Variants in KLHDC8A observed in about 807,000 individuals in gnomAD.
KLHDC8A encodes kelch domain-containing protein 8A.
In KLHDC8A, 21 loss-of-function variants were observed where a neutral mutation model predicts 33.1. That is an observed-to-expected ratio of 0.64 (90% CI 0.45 to 0.91). KLHDC8A has a LOEUF of 0.91. Ranked by LOEUF, KLHDC8A falls within the 40% of genes least tolerant of loss-of-function variation. The probability of loss-of-function intolerance (pLI) is 0.00; values close to 1 mark genes in which losing one functional copy is unlikely to be tolerated. For synonymous variants in KLHDC8A, 173 were observed against 193.5 expected (o/e 0.89, Z 0.88); for missense variants, 435 against 483.3 (o/e 0.90, Z 0.94).
rs1489199075 is a variant in KLHDC8A, at chr1:205,337,192, G to C, written c.*207C>G. 8 of 580,796 alleles carry C rather than the reference G, an allele frequency of 1.4e-5. No homozygotes were observed. Among genetic ancestry groups the C allele is most frequent in the Non-Finnish European group, 2.5e-5 (8 of 325,700 alleles). The allele number at this position is 580,796 out of a possible 1,614,324, so 36.0% of individuals were successfully genotyped here. On this transcript the variant is annotated 3_prime_UTR_variant, in exon 6 of 6. Transcript: ENST00000367155. ...TTCAGAGTCAGCTCTGCAGCTGGTG[G>C]AGTCATCTGTGCCTCTTACAGTTTT...
chr1:205,347,793 T>C (rs552875089), intron 1 of KLHDC8A, among the ~76,000 whole-genome samples: 44 of 152,298 alleles, frequency 2.9e-4, no homozygotes, highest in Non-Finnish European at 4.7e-4. Context: ...GAGGGAAAAG[T>C]CATAAAAGCC....
chr1:205,337,384 T>C lies in KLHDC8A; in HGVS notation c.*15A>G. ...GTGATATGGTCCAGGGCAAAGGTAC[T>C]GAGCCCAGAGACAGCTAGGAGTCAG... On this transcript the variant is annotated 3_prime_UTR_variant, in exon 6 of 6. Coordinates refer to ENST00000367155, the MANE Select transcript of KLHDC8A (RefSeq NM_018203.3). 6.2e-7 allele frequency: 1 copy of C among 1,605,950 alleles called. No homozygotes were observed.
At chr1:205,350,811 A>ATGCG (rs1553384970) in intron 1 of KLHDC8A, among the ~76,000 whole-genome samples, 143 of 150,974 alleles carry the variant, frequency 9.5e-4, no homozygotes, top group South Asian at 1.9e-3. Context: ...CTGTGTGTGC[A>ATGCG]TGTGTGTGTG....
intron 1 of KLHDC8A, among the ~76,000 whole-genome samples, chr1:205,347,013 C>A (rs866782169): frequency 6.6e-6 from 1 of 152,186 alleles, no homozygotes; most frequent in South Asian, 2.1e-4. Context: ...GGGACTCAGA[C>A]CCTTGGAAAA....
At chr1:205,340,466 AG>A (rs892918350) in intron 2 of KLHDC8A, among the ~76,000 whole-genome samples, 5 of 151,996 alleles carry the variant, frequency 3.3e-5, no homozygotes, top group African/African-American at 1.2e-4. Context: ...GGGCAGCCAG[AG>A]GGGAAGCCAA....
At chr1:205,356,418 A>G (rs931209347) in intron 1 of KLHDC8A, 115 bp downstream of exon 1, 4 of 419,328 alleles carry the variant, frequency 9.5e-6, no homozygotes, top group Non-Finnish European at 2.0e-5. Context: ...CCCCCATGCC[A>G]GCCTGTCTAC....
chr1:205,347,264 G>A (rs931328472), intron 1 of KLHDC8A, among the ~76,000 whole-genome samples: 5 of 152,178 alleles, frequency 3.3e-5, no homozygotes, highest in East Asian at 3.9e-4. Flanking sequence ...AGTGCTAATC[G>A]GAGGGAGAGT....
intron 1 of KLHDC8A, among the ~76,000 whole-genome samples, chr1:205,356,194 G>A (rs1411220834): frequency 6.6e-6 from 1 of 151,756 alleles, no homozygotes; most frequent in East Asian, 1.9e-4. Flanking sequence ...GCAATATTTG[G>A]TTTTCTGTTT....
rs116666758 is a variant in KLHDC8A at position 205,352,536 on chromosome 1, G to T, written c.-190+3997C>A. Among the ~76,000 whole-genome samples the T allele has an allele frequency of 2.6e-3, 392 of 152,330 alleles. 1 individual carries two copies. The highest frequency in any genetic ancestry group is 9.1e-3 in the African/African-American group (377 of 41,568). On this transcript the variant is annotated intron_variant, in intron 1 of 5. Coordinates refer to ENST00000367155, the MANE Select transcript of KLHDC8A (RefSeq NM_018203.3). ...AGACGGCAATCTGCTGCAGCAGCAA[G>T]GTTGCCATCTGGCGTGCTGACCTGT...
Position 205,343,575 on chromosome 1 carries a change from C to T in KLHDC8A, c.30G>A (p.Gln10=). The change falls in exon 2 of 6, where the codon CAG becomes CAA. Residue 10 remains glutamine, a synonymous_variant. Coordinates refer to ENST00000367155, the MANE Select transcript of KLHDC8A (RefSeq NM_018203.3). ...TGGGCAGTGGCGCCAGGCGCTTCCA[C>T]TGGAAGTCCTTGACGTTAGGCACCT... MEVPNVKDF[Q]WKRLAPLPSR... is the part of the protein sequence containing the mutation. The T allele has an allele frequency of 6.2e-7, 1 of 1,609,214 alleles. No individual in the cohort carries two copies. The highest frequency in any genetic ancestry group is 8.5e-7 in the Non-Finnish European group (1 of 1,177,296).
rs985769199 is a variant in KLHDC8A at position 205,343,631 on chromosome 1, C to T, written c.-27G>A. 6.5e-7 allele frequency: 1 copy of T among 1,541,578 alleles called. No homozygotes were observed. Among genetic ancestry groups the T allele is most frequent in the African/African-American group, 1.4e-5 (1 of 72,812 alleles). On this transcript the variant is annotated 5_prime_UTR_variant, in exon 2 of 6. Transcript: ENST00000367155. ...GCAGCCTTGGGGAGCGCCCGGGCGC[C>T]GGGAGAGGTGCGAGCGCGGGGGTCC...
At position 205,343,507 on chromosome 1, in the gene KLHDC8A, ACCTGGCC is replaced by A; in HGVS notation, c.91_97del (p.Gly31SerfsTer51). 6.2e-7 allele frequency: 1 copy of A among 1,613,288 alleles called. No individual in the cohort carries two copies. Among genetic ancestry groups the A allele is most frequent in the South Asian group, 1.1e-5 (1 of 91,082 alleles). ...GTCGTCACATCCCCCGATGGCATAGACCTGGCCCCCGGTCTCCAGCAGGGAGCAGTAG... is the reference window on the plus strand; with the variant it reads ...GTCGTCACATCCCCCGATGGCATAGACCCGGTCTCCAGCAGGGAGCAGTAG... On this transcript the variant is annotated frameshift_variant, in exon 2 of 6. Transcript: ENST00000367155. LOFTEE classifies it high-confidence loss of function.
At position 205,343,485 on chromosome 1, in the gene KLHDC8A, G is replaced by C; in HGVS notation, c.120C>G (p.Asp40Glu). The stretch of plus-strand genomic sequence containing the variant: ...AGCAGTCCATGGGGACGCCGTTGTC[G>C]TCACATCCCCCGATGGCATAGACCT... Reference protein sequence around the residue: ...GGQVYAIGGCDDNGVPMDCFE... With the variant: ...GGQVYAIGGCEDNGVPMDCFE... The change falls in exon 2 of 6, where the codon GAC (aspartate) becomes GAG (glutamate). Residue 40 changes from aspartate to glutamate, a missense_variant. Coordinates refer to ENST00000367155, the MANE Select transcript of KLHDC8A (RefSeq NM_018203.3). The C allele has an allele frequency of 1.2e-6, 2 of 1,613,514 alleles. No individual in the cohort carries two copies. The highest frequency in any genetic ancestry group is 1.7e-6 in the Non-Finnish European group (2 of 1,179,874).
chr1:205,344,468 G>A (rs1662891935), intron 1 of KLHDC8A: 1 of 152,448 alleles, frequency 6.6e-6, no homozygotes, highest in East Asian at 1.9e-4. Context: ...TCTACAGGGG[G>A]TCAAGGAAAG....
Position 205,339,566 on chromosome 1 carries a change from C to T in KLHDC8A, c.541+78G>A. On this transcript the variant is annotated intron_variant, in intron 3 of 5. Transcript: ENST00000367155. The surrounding 1 kb of genome is among the most constrained non-coding windows in gnomAD (Gnocchi z 5.1). ...TCCCCAGTGCCGAGGAGATGCTCAG[C>T]ACACAGGCACTGCTTCCTATGGGAA... is the stretch of plus-strand genomic sequence containing the variant. 1 of 1,532,064 alleles carries T rather than the reference C, an allele frequency of 6.5e-7. No homozygotes were observed. The allele number at this position is 1,532,064 out of a possible 1,614,324, so 94.9% of individuals were successfully genotyped here.
intron 1 of KLHDC8A, among the ~76,000 whole-genome samples, chr1:205,350,792 C>T (rs112804616): frequency 4.0e-4 from 61 of 152,038 alleles, no homozygotes; most frequent in African/African-American, 1.3e-3. Flanking sequence ...ATCATGATGG[C>T]GTGCGTGCCT....
At chr1:205,337,672 C>T in intron 5 of KLHDC8A, 80 bp from the exon 6 acceptor site, 1 of 991,794 alleles carries the variant, frequency 1.0e-6, no homozygotes, top group Non-Finnish European at 1.5e-6. Context: ...ACCTCCCTCC[C>T]TTCGGCACCC....
At chr1:205,353,070 G>A (rs1663163052) in intron 1 of KLHDC8A, among the ~76,000 whole-genome samples, 4 of 152,196 alleles carry the variant, frequency 2.6e-5, no homozygotes, top group Admixed American at 2.0e-4. Flanking sequence ...TTTGGTCCCA[G>A]TCTTGGGAAT....
At chr1:205,345,005 G>T (rs540251193) in intron 1 of KLHDC8A, among the ~76,000 whole-genome samples, 10 of 152,274 alleles carry the variant, frequency 6.6e-5, no homozygotes, top group African/African-American at 2.4e-4. Flanking sequence ...AACTCGCAGG[G>T]CTTGACAAAC....
Sources: gnomAD v4.1 joint callset for allele counts (sites outside exome capture counted in the v4.1 genomes callset) on GRCh38, gnomAD v4.1.1 for gene constraint, Gnocchi (gnomAD v3.1) non-coding constraint, MANE v1.5 for transcripts, NCBI Gene and HGNC (gene_info 2026-07-23, HGNC 2026-07-21) for gene names.